The following EP300 variants were observed in gnomAD, a reference collection of about 807,000 sequenced individuals.
The protein encoded by EP300 is EP300 lysine acetyltransferase.
In EP300, 31 loss-of-function variants were observed where a neutral mutation model predicts 264.0. The ratio of observed to expected loss-of-function variants is 0.12; its 90% confidence interval spans 0.09 to 0.16. The LOEUF (loss-of-function observed/expected upper bound fraction) is 0.16, where lower values mean the gene tolerates loss of function less well. Ranked by LOEUF, EP300 falls within the 10% of genes least tolerant of loss-of-function variation. The pLI, the probability that EP300 is intolerant of heterozygous loss-of-function variation, is 1.00. For missense variants in EP300, 2,766 were observed against 3,052.9 expected (o/e 0.91, Z 2.21); for synonymous variants, 1,340 against 1,045.4 (o/e 1.28, Z -5.44).
At position 41,178,917 on chromosome 22, in the gene EP300, G is replaced by GAATTCAAACCTCT; in HGVS notation, c.7207_7219dup (p.Ser2407Ter). ...GACTCAGCACCGATAACTCAGACTTGAATTCAAACCTCTCACAGAGTACAC... is the reference window on the plus strand; with the variant it reads ...GACTCAGCACCGATAACTCAGACTTGAATTCAAACCTCTAATTCAAACCTCTCACAGAGTACAC... On this transcript the variant is annotated frameshift_variant, in exon 31 of 31. Transcript: ENST00000263253. LOFTEE classifies it high-confidence loss of function. The GAATTCAAACCTCT allele has an allele frequency of 6.2e-7, 1 of 1,614,190 alleles. No homozygotes were observed. Among genetic ancestry groups the GAATTCAAACCTCT allele is most frequent in the East Asian group, 2.2e-5 (1 of 44,888 alleles).
intron 1 of EP300, among the ~76,000 whole-genome samples, chr22:41,097,071 TCTGGAGTCTTGCAGATATAGCTC>T (rs2145671817): frequency 6.6e-6 from 1 of 152,370 alleles, no homozygotes; most frequent in East Asian, 1.9e-4. Flanking sequence ...AGAGTTTGCT[TCTGGAGTCTTGCAGATATAGCTC>T]CTGATTTAGT....
chr22:41,123,430 C>G (rs1450432638), intron 2 of EP300, among the ~76,000 whole-genome samples: 1 of 152,010 alleles, frequency 6.6e-6, no homozygotes, highest in Non-Finnish European at 1.5e-5. Context: ...TGATTTTTTT[C>G]TTTTATAGAG....
rs138952186 is a variant in EP300 at position 41,116,828 on chromosome 22, A to G, written c.95-359A>G. ...GTAATCCCAGCACTTTGGAAGGCCA[A>G]TGCAGACAGATAGCTTCAGCTCAGG... On this transcript the variant is annotated intron_variant, in intron 1 of 30. Transcript: ENST00000263253. Among the ~76,000 whole-genome samples, 394 of 152,328 alleles carry G rather than the reference A, an allele frequency of 2.6e-3. 6 individuals are homozygous for G. Among genetic ancestry groups the G allele is most frequent in the South Asian group, 0.025 (120 of 4,832 alleles).
chr22:41,103,954 A>G (rs2058744864), intron 1 of EP300, among the ~76,000 whole-genome samples: 1 of 111,520 alleles, frequency 9.0e-6, no homozygotes, highest in African/African-American at 2.6e-5. Flanking sequence ...TGAATTGTTT[A>G]TTTTGTTCAA....
chr22:41,169,000 A>G lies in EP300; in HGVS notation c.4172+133A>G, dbSNP rs2059155480. On this transcript the variant is annotated intron_variant, in intron 25 of 30. Coordinates refer to ENST00000263253, the MANE Select transcript of EP300 (RefSeq NM_001429.4). ...AATGCAAAATCTCAAGTGTCCAGTA[A>G]TTTTAAAGTGAAACAGATTAAAAAG... 3.1e-6 allele frequency: 4 copies of G among 1,286,352 alleles called. No individual in the cohort carries two copies. In the African/African-American group the frequency reaches 5.8e-5, roughly 19 times the overall value. The allele number at this position is 1,286,352 out of a possible 1,614,324, so 79.7% of individuals were successfully genotyped here.
chr22:41,095,912 T>C (rs2097281844), intron 1 of EP300, among the ~76,000 whole-genome samples: 1 of 152,174 alleles, frequency 6.6e-6, no homozygotes, highest in Admixed American at 6.5e-5. Context: ...ATTACTTAAA[T>C]CTCAACCTCT....
rs369929467 is a variant in EP300, at chr22:41,178,538, A to G, written c.6827A>G (p.Asn2276Ser). 2 of 1,613,740 alleles carry G rather than the reference A, an allele frequency of 1.2e-6. No homozygotes were observed. Reference protein sequence around the residue: ...QQQMGSPVQPNPMSPQQHMLP... With the variant: ...QQQMGSPVQPSPMSPQQHMLP... ...CAGATGGGGTCCCCTGTTCAGCCCA[A>G]CCCCATGAGCCCCCAGCAGCATATG... is the stretch of plus-strand genomic sequence containing the variant. Residue 2276 changes from asparagine (N) to serine (S), a missense_variant, in exon 31 of 31, where the codon AAC becomes AGC. By Grantham distance (46) the Asn-to-Ser change is conservative. Transcript: ENST00000263253.
chr22:41,095,232 A>ATTTTTTTTTT (rs66515117), intron 1 of EP300, among the ~76,000 whole-genome samples: 11 of 80,246 alleles, frequency 1.4e-4, no homozygotes, highest in African/African-American at 2.7e-4. Context: ...TACCATTGTA[A>ATTTTTTTTTT]TTTTTTTTTT....
rs766113308 is a variant in EP300 at position 41,178,310 on chromosome 22, G to T, written c.6599G>T (p.Gly2200Val). 1 of 1,614,178 alleles carries T rather than the reference G, an allele frequency of 6.2e-7. No individual in the cohort carries two copies. Among genetic ancestry groups the T allele is most frequent in the Non-Finnish European group, 8.5e-7 (1 of 1,180,028 alleles). Residue 2200 changes from glycine to valine, a missense_variant, in exon 31 of 31, where the codon GGA (glycine) becomes GTA (valine). Transcript: ENST00000263253. ...CAGCAGCAACAGGGAGCAGGGCCAGGAATAGGCCCTGGAATGGCCAACCAT... is the reference window on the plus strand; with the variant it reads ...CAGCAGCAACAGGGAGCAGGGCCAGTAATAGGCCCTGGAATGGCCAACCAT... ...QQQQQQGAGP[G>V]IGPGMANHNQ...
intron 6 of EP300, among the ~76,000 whole-genome samples, chr22:41,132,632 T>C (rs1237856084): frequency 1.3e-5 from 2 of 152,158 alleles, no homozygotes; most frequent in African/African-American, 4.8e-5. Context: ...ATTATTCTGC[T>C]GCTTTAAACT....
At chr22:41,099,506 C>G (rs73426530) in intron 1 of EP300, among the ~76,000 whole-genome samples, 1 of 152,164 alleles carries the variant, frequency 6.6e-6, no homozygotes, top group East Asian at 1.9e-4. Flanking sequence ...TCCATCTTAA[C>G]TAATCACTTG....
chr22:41,108,591 G>A (rs984699638), intron 1 of EP300, among the ~76,000 whole-genome samples: 3 of 151,800 alleles, frequency 2.0e-5, no homozygotes, highest in African/African-American at 4.8e-5. Flanking sequence ...GTCCTGTCCC[G>A]TTTTACTTCA....
chr22:41,110,279 CTAATTTTTT>C, intron 1 of EP300, among the ~76,000 whole-genome samples: 1 of 121,444 alleles, frequency 8.2e-6, no homozygotes, highest in East Asian at 2.3e-4. Flanking sequence ...GCATATCCAG[CTAATTTTTT>C]TTTTTTTTTT....
In EP300 at chr22:41,176,964, C is replaced by T. The variant is rs1199533171; in HGVS notation, c.5253C>T (p.Ala1751=). ...SLVHACQCRN[A]NCSLPSCQKM... ...TCCATGCTTGCCAGTGTCGGAATGCCAATTGCTCACTGCCATCCTGCCAGA... is the reference window on the plus strand; with the variant it reads ...TCCATGCTTGCCAGTGTCGGAATGCTAATTGCTCACTGCCATCCTGCCAGA... Residue 1751 remains alanine (A), a synonymous_variant, in exon 31 of 31, where the codon GCC becomes GCT. Coordinates refer to ENST00000263253, the MANE Select transcript of EP300 (RefSeq NM_001429.4). The T allele has an allele frequency of 6.2e-7, 1 of 1,614,166 alleles. No homozygotes were observed. The highest frequency in any genetic ancestry group is 2.2e-5 in the East Asian group (1 of 44,884).
At position 41,133,197 on chromosome 22, in the gene EP300, C is replaced by G. The variant is rs1295676381; in HGVS notation, c.1528+1564C>G. 2.2e-5 allele frequency among the ~76,000 whole-genome samples: 3 copies of G among 134,956 alleles called. No homozygotes were observed. In the East Asian group the frequency reaches 7.6e-4, roughly 34 times the overall value. 88.5% of individuals were successfully genotyped at this position (134,956 alleles called of 152,430 possible). On this transcript the variant is annotated intron_variant, in intron 6 of 30. Transcript: ENST00000263253. ...CCGGAAACAGAGTCTCGCTGTGTCA[C>G]CGAGGCTGGAGTACAGTGGCACGAT...
Position 41,146,833 on chromosome 22 carries a change from A to G in EP300, c.2131+17A>G, listed in dbSNP as rs113214815. 1 of 1,608,978 alleles carries G rather than the reference A, an allele frequency of 6.2e-7. No individual in the cohort carries two copies. The highest frequency in any genetic ancestry group is 2.2e-5 in the East Asian group (1 of 44,578). ...CACAATCTGGTAAATAGTGAAAAAA[A>G]TTTTTTTATTTTAAAAGAATCCCCG... is the stretch of plus-strand genomic sequence containing the variant. On this transcript the variant is annotated intron_variant, in intron 11 of 30. Coordinates refer to ENST00000263253, the MANE Select transcript of EP300 (RefSeq NM_001429.4).
At chr22:41,132,881 A>G (rs983295505) in intron 6 of EP300, among the ~76,000 whole-genome samples, 1 of 152,124 alleles carries the variant, frequency 6.6e-6, no homozygotes, top group Non-Finnish European at 1.5e-5. Flanking sequence ...ATAACATTGG[A>G]AGAATTGTTC....
chr22:41,150,426 T>C (rs1011169363), intron 14 of EP300, among the ~76,000 whole-genome samples: 10 of 152,332 alleles, frequency 6.6e-5, no homozygotes, highest in Non-Finnish European at 5.9e-5. Context: ...TTGACCATTA[T>C]GTTTCATGTT....
intron 29 of EP300, chr22:41,174,481 CAT>C (rs745473674): frequency 6.6e-6 from 1 of 152,188 alleles, no homozygotes; most frequent in Non-Finnish European, 1.5e-5. Context: ...TAAACTTCCA[CAT>C]ATGGACTTAC....
Sources: gnomAD v4.1 joint callset for allele counts (sites outside exome capture counted in the v4.1 genomes callset) on GRCh38, gnomAD v4.1.1 for gene constraint, MANE v1.5 for transcripts, NCBI Gene and HGNC (gene_info 2026-07-23, HGNC 2026-07-21) for gene names.